Variants in STAB1 observed in about 807,000 individuals in gnomAD.
The protein encoded by STAB1 is stabilin-1.
STAB1 carries 250 observed loss-of-function variants against 332.4 expected under a neutral mutation model. That is an observed-to-expected ratio of 0.75 (90% CI 0.68 to 0.84). The LOEUF is 0.84. STAB1 is among the 40% of genes least tolerant of loss of function. The pLI, the probability that STAB1 is intolerant of heterozygous loss-of-function variation, is 0.00. For synonymous variants in STAB1, 1,475 were observed against 1,390.4 expected (o/e 1.06, Z -1.35); for missense variants, 3,249 against 3,489.7 (o/e 0.93, Z 1.74).
rs1001731903 is a variant in STAB1, at chr3:52,520,869, G to A, written c.5772G>A (p.Leu1924=). ...GGACGTCCCCTCCGCTGCACTCTTT[G>A]GGATTACGCAGCGTCTGGGTCCACC... is the stretch of plus-strand genomic sequence containing the variant. The part of the protein sequence containing the change: ...KFWTSPPLHS[L]GLRSVWVHPS... The change falls in exon 55 of 69, where the codon TTG becomes TTA. Residue 1924 remains leucine, a synonymous_variant. Transcript: ENST00000321725. 2 of 1,612,642 alleles carry A rather than the reference G, an allele frequency of 1.2e-6. No individual in the cohort carries two copies. Among genetic ancestry groups the A allele is most frequent in the African/African-American group, 2.7e-5 (2 of 74,962 alleles).
intron 1 of STAB1, among the ~76,000 whole-genome samples, chr3:52,500,316 C>T (rs1378723598): frequency 6.6e-6 from 1 of 152,248 alleles, no homozygotes; most frequent in African/African-American, 2.4e-5. Flanking sequence ...TCAATGACCA[C>T]CTCCCTCAGG....
chr3:52,523,610 T>C (rs2079156232), intron 65 of STAB1, 34 bp downstream of exon 65: 3 of 1,612,768 alleles, frequency 1.9e-6, no homozygotes, highest in South Asian at 1.1e-5. Flanking sequence ...CTGTTGGCCC[T>C]GGCCCTCGCT....
At chr3:52,502,112 G>A (rs765100827) in intron 4 of STAB1, 21 bp downstream of exon 4, 1 of 1,613,622 alleles carries the variant, frequency 6.2e-7, no homozygotes, top group Non-Finnish European at 8.5e-7. Context: ...GGCAAGGTGG[G>A]GTGGAGGCTC....
At position 52,514,622 on chromosome 3, in the gene STAB1, C is replaced by A. The variant is rs982618980; in HGVS notation, c.3679-79C>A. ...CTCTGCTCCAGGGAGCCCCCCGGCC[C>A]TGGAGTACTGCCTGACCTTACAGCC... On this transcript the variant is annotated intron_variant, in intron 34 of 68. Transcript: ENST00000321725. 4 of 1,600,110 alleles carry A rather than the reference C, an allele frequency of 2.5e-6. No homozygotes were observed. In the African/African-American group the frequency reaches 4.0e-5, roughly 16 times the overall value.
Position 52,515,463 on chromosome 3 carries a change from C to T in STAB1, c.3905C>T (p.Ser1302Phe), listed in dbSNP as rs2078830556. ...RKSCVYRSGF[S>F]FSRGCSYTCA... The stretch of plus-strand genomic sequence containing the variant: ...AGCTGTGTCTACCGATCTGGCTTCT[C>T]CTTCTCCCGGGGCTGCTCTTACACA... The change falls in exon 37 of 69, where the codon TCC (serine) becomes TTC (phenylalanine). Residue 1302 changes from serine to phenylalanine, a missense_variant. Ser to Phe is a radical substitution (Grantham distance 155, BLOSUM62 -2). Transcript: ENST00000321725. The T allele has an allele frequency of 2.5e-6, 4 of 1,613,548 alleles. No individual in the cohort carries two copies. In the East Asian group the frequency reaches 6.7e-5, roughly 27 times the overall value.
intron 2 of STAB1, 30 bp from the exon 3 acceptor site, chr3:52,501,608 T>TC (rs1708448181): frequency 6.5e-7 from 1 of 1,538,388 alleles, no homozygotes; most frequent in East Asian, 2.4e-5. Flanking sequence ...GGGAGCCTTT[T>TC]CCATCACCCT....
rs1709188718 is a variant in STAB1, at chr3:52,510,141, G to A, written c.2535-1G>A. On this transcript the variant is annotated splice_acceptor_variant, in intron 23 of 68. Transcript: ENST00000321725. LOFTEE classifies it high-confidence loss of function. ...GAGCCCCCTCCTTCACCCACCCCCAGATGTCGCTGTCTTGATGGCTTTGAG... is the reference window on the plus strand; with the variant it reads ...GAGCCCCCTCCTTCACCCACCCCCAAATGTCGCTGTCTTGATGGCTTTGAG... The A allele has an allele frequency of 1.2e-6, 2 of 1,613,874 alleles. No individual in the cohort carries two copies. The highest frequency in any genetic ancestry group is 1.7e-6 in the Non-Finnish European group (2 of 1,180,034).
chr3:52,505,205 G>T, intron 13 of STAB1, 62 bp downstream of exon 13: 1 of 1,605,394 alleles, frequency 6.2e-7, no homozygotes, highest in Non-Finnish European at 8.5e-7. Flanking sequence ...CCCCTGCAGA[G>T]AGCAGTGAGT....
Position 52,503,919 on chromosome 3 carries a change from G to A in STAB1, c.1022+17G>A, listed in dbSNP as rs1355153413. 6.2e-7 allele frequency: 1 copy of A among 1,613,042 alleles called. No individual in the cohort carries two copies. The highest frequency in any genetic ancestry group is 2.2e-5 in the East Asian group (1 of 44,876). On this transcript the variant is annotated intron_variant, in intron 9 of 68. Transcript: ENST00000321725. ...GAAGACCAGGTGAGCACAGGTGCCT[G>A]GGAGCAGAGACAGTGGGTTGGGCAA...
chr3:52,517,668 G>A, intron 44 of STAB1, 44 bp downstream of exon 44: 1 of 1,601,198 alleles, frequency 6.2e-7, no homozygotes, highest in Non-Finnish European at 8.5e-7. Context: ...GAGAAGGAGA[G>A]GGGACTGAGG....
At chr3:52,499,463 C>T (rs1708273073) in intron 1 of STAB1, among the ~76,000 whole-genome samples, 1 of 152,242 alleles carries the variant, frequency 6.6e-6, no homozygotes, top group African/African-American at 2.4e-5. Context: ...ATCTCACCAC[C>T]CCAAGCCCTC....
At position 52,505,317 on chromosome 3, in the gene STAB1, A is replaced by T. The variant is rs1354527363; in HGVS notation, c.1519-2A>T. ...GGCCCTCACACTCATCCCTCCTTAC[A>T]GAGAACTATCGGACAGATCCTCGCC... On this transcript the variant is annotated splice_acceptor_variant, in intron 13 of 68. Transcript: ENST00000321725. LOFTEE classifies it high-confidence loss of function. 1.2e-6 allele frequency: 2 copies of T among 1,613,502 alleles called. No individual in the cohort carries two copies. Among genetic ancestry groups the T allele is most frequent in the African/African-American group, 2.7e-5 (2 of 74,922 alleles).
In STAB1 at chr3:52,523,973, C is replaced by A. The variant is rs138382714; in HGVS notation, c.7498C>A (p.Arg2500Ser). The A allele has an allele frequency of 1.3e-4, 216 of 1,611,686 alleles. No homozygotes were observed. Among genetic ancestry groups the A allele is most frequent in the Non-Finnish European group, 1.2e-4 (138 of 1,179,910 alleles). ...LGLVAGALYL[R>S]ARGKPMGFGF... ...CTTGGTGGCCGGAGCTCTCTACCTC[C>A]GTGCCCGAGGCAAGCCCATGGGCTT... Residue 2500 changes from arginine (R) to serine (S), a missense_variant, in exon 67 of 69, where the codon CGT becomes AGT. By Grantham distance (110) the Arg-to-Ser change is moderately radical (BLOSUM62 -1). Coordinates refer to ENST00000321725, the MANE Select transcript of STAB1 (RefSeq NM_015136.3).
chr3:52,502,454 C>T (rs1392746617), intron 5 of STAB1, among the ~76,000 whole-genome samples, 178 bp from the exon 6 acceptor site: 1 of 152,242 alleles, frequency 6.6e-6, no homozygotes, highest in East Asian at 1.9e-4. Context: ...GAGCCCCAGG[C>T]CGGGCCAGTG....
At chr3:52,507,250 G>A (rs1708943876) in intron 18 of STAB1, among the ~76,000 whole-genome samples, 1 of 152,140 alleles carries the variant, frequency 6.6e-6, no homozygotes, top group South Asian at 2.1e-4. Context: ...TCACCATGTT[G>A]GCCAGGCTGG....
At position 52,503,025 on chromosome 3, in the gene STAB1, T is replaced by C. The variant is rs1195705643; in HGVS notation, c.610T>C (p.Cys204Arg). The change falls in exon 7 of 69, where the codon TGT becomes CGT. Residue 204 changes from cysteine to arginine, a missense_variant. Physicochemically the swap from Cys to Arg is radical, Grantham distance 180. Transcript: ENST00000321725. Reference protein sequence around the residue: ...QELPVCQELRCPQNTQCSAEA... With the variant: ...QELPVCQELRRPQNTQCSAEA... ...GCTGCCCGTCTGCCAGGAGCTGCGC[T>C]GTCCCCAGAACACCCAGTGCTCCGC... The C allele has an allele frequency of 6.3e-7, 1 of 1,598,936 alleles. No individual in the cohort carries two copies. The highest frequency in any genetic ancestry group is 8.5e-7 in the Non-Finnish European group (1 of 1,173,572).
rs1708774801 is a variant in STAB1, at chr3:52,505,347, C to T, written c.1547C>T (p.Thr516Ile). ...ACTATCGGACAGATCCTCGCCTCTA[C>T]CGAGGCCTTCAGCCGCTTTGAAACC... ...KRTIGQILAS[T>I]EAFSRFETIL... The change falls in exon 14 of 69, where the codon ACC (threonine) becomes ATC (isoleucine). Residue 516 changes from threonine (T) to isoleucine (I), a missense_variant. Transcript: ENST00000321725. 6.2e-7 allele frequency: 1 copy of T among 1,613,674 alleles called. No homozygotes were observed. The highest frequency in any genetic ancestry group is 1.3e-5 in the African/African-American group (1 of 75,064).
At chr3:52,507,001 C>A in intron 18 of STAB1, 151 bp downstream of exon 18, 1 of 1,052,028 alleles carries the variant, frequency 9.5e-7, no homozygotes, top group Non-Finnish European at 1.4e-6. Context: ...CCCACCTGTG[C>A]TTCCCCCACG....
chr3:52,514,052 C>T lies in STAB1; in HGVS notation c.3448-63C>T, dbSNP rs971423696. The T allele has an allele frequency of 4.4e-6, 7 of 1,595,728 alleles. No individual in the cohort carries two copies. In the African/African-American group the frequency reaches 6.7e-5, roughly 15 times the overall value. ...GTGCCCCAGGTCCAGAGGGACCTGGCTGGCTCCCAGTGTCAGGACTGACAA... is the reference window on the plus strand; with the variant it reads ...GTGCCCCAGGTCCAGAGGGACCTGGTTGGCTCCCAGTGTCAGGACTGACAA... On this transcript the variant is annotated intron_variant, in intron 32 of 68. Coordinates refer to ENST00000321725, the MANE Select transcript of STAB1 (RefSeq NM_015136.3).
Sources: allele counts gnomAD v4.1 joint callset (sites outside exome capture counted in the v4.1 genomes callset), GRCh38; gene constraint gnomAD v4.1.1; transcripts MANE v1.5; gene names NCBI Gene and HGNC (gene_info 2026-07-23, HGNC 2026-07-21).